The following LIMCH1 variants were observed in gnomAD, a reference collection of about 807,000 sequenced individuals.
LIMCH1 encodes LIM and calponin homology domains 1.
In LIMCH1, 113 loss-of-function variants were observed where a neutral mutation model predicts 176.5. That is an observed-to-expected ratio of 0.64 (90% CI 0.55 to 0.75). The LOEUF (loss-of-function observed/expected upper bound fraction) is 0.75, where lower values mean the gene tolerates loss of function less well. Ranked by LOEUF, LIMCH1 falls within the 30% of genes least tolerant of loss-of-function variation. The probability of loss-of-function intolerance (pLI) is 0.00; values close to 1 mark genes in which losing one functional copy is unlikely to be tolerated. For synonymous variants in LIMCH1, 619 were observed against 645.9 expected (o/e 0.96, Z 0.63); for missense variants, 1,674 against 1,814.9 (o/e 0.92, Z 1.41).
At chr4:41,529,114 T>C (rs1196850902) in intron 3 of LIMCH1, among the ~76,000 whole-genome samples, 1 of 152,208 alleles carries the variant, frequency 6.6e-6, no homozygotes, top group Non-Finnish European at 1.5e-5. Flanking sequence ...CAAAGGTTTT[T>C]TTTTAAAATG....
intron 1 of LIMCH1, among the ~76,000 whole-genome samples, chr4:41,574,917 C>A (rs1223890685): frequency 6.6e-6 from 1 of 152,168 alleles, no homozygotes; most frequent in Non-Finnish European, 1.5e-5. Context: ...TTAGGAACCA[C>A]TGAATTCATC....
At chr4:41,646,400 C>A in intron 16 of LIMCH1, 85 bp from the exon 17 acceptor site, 1 of 1,526,374 alleles carries the variant, frequency 6.6e-7, no homozygotes, top group Non-Finnish European at 8.9e-7. Context: ...TGTACTATCT[C>A]TTCAGTGCTA....
intron 1 of LIMCH1, among the ~76,000 whole-genome samples, chr4:41,471,130 C>G (rs2066902691): frequency 6.8e-6 from 1 of 146,830 alleles, no homozygotes; most frequent in Admixed American, 7.0e-5. Flanking sequence ...TGAAAAATAA[C>G]AGAAATTGTA....
At chr4:41,403,216 G>A (rs1327340264) in intron 1 of LIMCH1, among the ~76,000 whole-genome samples, 1 of 151,942 alleles carries the variant, frequency 6.6e-6, no homozygotes, top group East Asian at 1.9e-4. Flanking sequence ...GGGTGGTGGG[G>A]GAAGATGGAA....
At chr4:41,428,505 C>T (rs1003129901) in intron 1 of LIMCH1, among the ~76,000 whole-genome samples, 1 of 152,080 alleles carries the variant, frequency 6.6e-6, no homozygotes, top group African/African-American at 2.4e-5. Flanking sequence ...TAGGGAGTGG[C>T]AGAGAAAGCA....
intron 1 of LIMCH1, among the ~76,000 whole-genome samples, chr4:41,369,939 A>AGTGTGTGTGTGTGTGTGT (rs113302113): frequency 0.042 from 5,759 of 138,222 alleles, 186 homozygotes; most frequent in East Asian, 0.13. Context: ...CAGGAAGCAA[A>AGTGTGTGTGTGTGTGTGT]GTGTGTGTGT....
intron 1 of LIMCH1, among the ~76,000 whole-genome samples, chr4:41,418,377 G>A (rs1368846960): frequency 6.6e-6 from 1 of 152,188 alleles, no homozygotes; most frequent in Non-Finnish European, 1.5e-5. Flanking sequence ...GACTCAACCT[G>A]GGTGAGCAGC....
chr4:41,424,167 C>T (rs1349127860), intron 1 of LIMCH1, among the ~76,000 whole-genome samples: 1 of 152,156 alleles, frequency 6.6e-6, no homozygotes, highest in African/African-American at 2.4e-5. Context: ...CTCCCTCCCT[C>T]CTTCTCTCCC....
At chr4:41,419,259 C>A (rs1423717708) in intron 1 of LIMCH1, among the ~76,000 whole-genome samples, 1 of 151,972 alleles carries the variant, frequency 6.6e-6, no homozygotes, top group Non-Finnish European at 1.5e-5. Context: ...CTCACTGCAA[C>A]CTTCGCCTCC....
At chr4:41,476,389 T>C (rs2067745542) in intron 1 of LIMCH1, among the ~76,000 whole-genome samples, 1 of 152,232 alleles carries the variant, frequency 6.6e-6, no homozygotes, top group Non-Finnish European at 1.5e-5. Context: ...TCTTCATTGC[T>C]GTGGGCGTTG....
chr4:41,607,341 T>G (rs1487282814), intron 4 of LIMCH1, among the ~76,000 whole-genome samples: 1 of 152,238 alleles, frequency 6.6e-6, no homozygotes, highest in Non-Finnish European at 1.5e-5. Context: ...GCTCATGTAT[T>G]TATAAATGGC....
intron 1 of LIMCH1, among the ~76,000 whole-genome samples, chr4:41,582,507 G>A (rs1233557727): frequency 2.0e-5 from 3 of 152,198 alleles, no homozygotes; most frequent in Non-Finnish European, 4.4e-5. Flanking sequence ...AGACCTGGAG[G>A]CAACGCAGTG....
intron 1 of LIMCH1, among the ~76,000 whole-genome samples, chr4:41,561,821 C>T (rs1262901879): frequency 6.6e-6 from 1 of 152,102 alleles, no homozygotes; most frequent in Admixed American, 6.6e-5. Flanking sequence ...CTTTATGCCT[C>T]CTAATTACAC....
At chr4:41,472,254 A>G (rs576489281) in intron 1 of LIMCH1, among the ~76,000 whole-genome samples, 10 of 152,296 alleles carry the variant, frequency 6.6e-5, no homozygotes, top group African/African-American at 2.2e-4. Context: ...GCCAAACGAC[A>G]CATGTAGGCG....
At chr4:41,488,605 T>C (rs2070154706) in intron 1 of LIMCH1, among the ~76,000 whole-genome samples, 1 of 152,196 alleles carries the variant, frequency 6.6e-6, no homozygotes. Context: ...TAAGGAAAAA[T>C]TGAGACCATT....
chr4:41,369,475 A>G (rs889297201), intron 1 of LIMCH1, among the ~76,000 whole-genome samples: 3 of 152,166 alleles, frequency 2.0e-5, no homozygotes, highest in African/African-American at 7.2e-5. Context: ...GAGAATGGCT[A>G]TTGGGGTAGC....
intron 1 of LIMCH1, among the ~76,000 whole-genome samples, chr4:41,458,373 T>C (rs1375391810): frequency 6.6e-6 from 1 of 152,056 alleles, no homozygotes; most frequent in African/African-American, 2.4e-5. Flanking sequence ...TACCTAGTAA[T>C]TGAATAGGGG....
chr4:41,626,223 T>C (rs1256801686), intron 7 of LIMCH1, among the ~76,000 whole-genome samples: 2 of 152,138 alleles, frequency 1.3e-5, no homozygotes, highest in Non-Finnish European at 2.9e-5. Flanking sequence ...TTCCTTACAT[T>C]TTGTAATCTG....
intron 1 of LIMCH1, among the ~76,000 whole-genome samples, chr4:41,469,541 C>T (rs904609931): frequency 6.6e-6 from 1 of 152,132 alleles, no homozygotes; most frequent in African/African-American, 2.4e-5. Flanking sequence ...CAGCAGCACA[C>T]ATTCCAAAAA....
Sources: gnomAD v4.1 joint callset for allele counts (sites outside exome capture counted in the v4.1 genomes callset) on GRCh38, gnomAD v4.1.1 for gene constraint, MANE v1.5 for transcripts, NCBI Gene and HGNC (gene_info 2026-07-23, HGNC 2026-07-21) for gene names.